The following PRKDC variants were observed in gnomAD, a reference collection of about 807,000 sequenced individuals.
PRKDC encodes DNA-dependent protein kinase catalytic subunit.
Under a neutral mutation model 486.9 loss-of-function variants are expected in PRKDC, and 82 were observed. The observed-to-expected ratio is 0.17, with a 90% confidence interval of 0.14 to 0.20. The LOEUF (loss-of-function observed/expected upper bound fraction) is 0.20, where lower values mean the gene tolerates loss of function less well. PRKDC is among the 10% of genes least tolerant of loss of function. The pLI is 1.00. For missense variants in PRKDC, 4,504 were observed against 5,038.2 expected, an observed-to-expected ratio of 0.89 and a Z score of 3.21; for synonymous variants, 1,895 against 1,837.0, an observed-to-expected ratio of 1.03 and a Z score of -0.81.
chr8:47,940,284 G>A (rs937708860), intron 10 of PRKDC, among the ~76,000 whole-genome samples: 1 of 152,224 alleles, frequency 6.6e-6, no homozygotes, highest in Non-Finnish European at 1.5e-5. Flanking sequence ...TGTCGTCTGA[G>A]AAGCAAATAG....
chr8:47,914,137 A>C, intron 23 of PRKDC, 73 bp from the exon 24 acceptor site: 1 of 1,250,352 alleles, frequency 8.0e-7, no homozygotes, highest in Non-Finnish European at 1.0e-6. Context: ...TCACAAATCA[A>C]AACATTTCTA....
intron 44 of PRKDC, among the ~76,000 whole-genome samples, chr8:47,861,272 T>A (rs1006599997): frequency 2.0e-5 from 3 of 152,350 alleles, no homozygotes; most frequent in Admixed American, 1.3e-4. Context: ...ATTCTATTTA[T>A]CTCTGAACCT....
intron 77 of PRKDC, 187 bp from the exon 78 acceptor site, chr8:47,783,996 C>T (rs1043125567): frequency 2.1e-5 from 12 of 583,708 alleles, no homozygotes; most frequent in African/African-American, 5.6e-5. Context: ...CAGTGGCTCA[C>T]GCCTGTAATC....
At chr8:47,813,467 T>C (rs2087377170) in intron 68 of PRKDC, among the ~76,000 whole-genome samples, 1 of 152,154 alleles carries the variant, frequency 6.6e-6, no homozygotes, top group South Asian at 2.1e-4. Context: ...GGAAATTATA[T>C]ACATTATCAA....
At chr8:47,905,651 GA>G (rs1277934002) in intron 25 of PRKDC, among the ~76,000 whole-genome samples, 1 of 152,142 alleles carries the variant, frequency 6.6e-6, no homozygotes, top group African/African-American at 2.4e-5. Context: ...TACCACAGGG[GA>G]GGAACATAGA....
intron 21 of PRKDC, among the ~76,000 whole-genome samples, chr8:47,921,123 C>T (rs1171684411): frequency 1.3e-5 from 2 of 152,008 alleles, no homozygotes; most frequent in African/African-American, 2.4e-5. Context: ...GGCGTGGTGG[C>T]GGGCACCTGT....
chr8:47,782,523 G>T lies in PRKDC; in HGVS notation c.11251C>A (p.Leu3751Met). 1 of 1,576,882 alleles carries T rather than the reference G, an allele frequency of 6.3e-7. No homozygotes were observed. Among genetic ancestry groups the T allele is most frequent in the East Asian group, 2.3e-5 (1 of 42,934 alleles). ...RGHDEREHPF[L>M]VKGGEDLRQD... The stretch of plus-strand genomic sequence containing the variant: ...CGCAGGTCCTCGCCACCCTTCACCA[G>T]GAAAGGGTGTTCCCTCTCGTCATGG... The change falls in exon 79 of 86, where the codon CTG becomes ATG. Residue 3751 changes from leucine (L) to methionine (M), a missense_variant. Around this residue, in one of 6 missense-constraint regions of PRKDC, gnomAD observed 706 missense variants for 945.0 expected, o/e 0.75. Transcript: ENST00000314191. This position sits in a 1 kb window ranked among gnomAD's most constrained non-coding sequence, Gnocchi z 4.9.
At chr8:47,859,788 T>A in intron 45 of PRKDC, 29 bp from the exon 46 acceptor site, 3 of 1,575,290 alleles carry the variant, frequency 1.9e-6, no homozygotes, top group Non-Finnish European at 2.6e-6. Context: ...GAAAATTACA[T>A]GTATTCAAAC....
rs1474338260 is a variant in PRKDC, at chr8:47,957,202, T to C, written c.293A>G (p.Gln98Arg). Reference protein sequence around the residue: ...FLCIFLEKMGQKIAPYSVEIK... With the variant: ...FLCIFLEKMGRKIAPYSVEIK... ...TTCAACAGAGTAAGGTGCGATCTTCTGGCCCATTTTTTCTAAGAAAATACA... is the reference window on the plus strand; with the variant it reads ...TTCAACAGAGTAAGGTGCGATCTTCCGGCCCATTTTTTCTAAGAAAATACA... The change falls in exon 3 of 86, where the codon CAG becomes CGG. Residue 98 changes from glutamine (Q) to arginine (R), a missense_variant. By Grantham distance (43) the Gln-to-Arg change is conservative. Coordinates refer to ENST00000314191, the MANE Select transcript of PRKDC (RefSeq NM_006904.7). 1 of 1,598,348 alleles carries C rather than the reference T, an allele frequency of 6.3e-7. No homozygotes were observed. Among genetic ancestry groups the C allele is most frequent in the Non-Finnish European group, 8.6e-7 (1 of 1,167,918 alleles).
At chr8:47,905,199 A>T (rs543749769) in intron 25 of PRKDC, among the ~76,000 whole-genome samples, 57 of 149,964 alleles carry the variant, frequency 3.8e-4, no homozygotes, top group South Asian at 1.7e-3. Context: ...TTAACTTAAA[A>T]TTTTTTTTTT....
At chr8:47,869,922 G>T (rs1298084410) in intron 40 of PRKDC, among the ~76,000 whole-genome samples, 1 of 151,926 alleles carries the variant, frequency 6.6e-6, no homozygotes, top group Non-Finnish European at 1.5e-5. Context: ...CTGGGGCAAT[G>T]GTGACCACAG....
intron 21 of PRKDC, among the ~76,000 whole-genome samples, chr8:47,922,247 C>T (rs1029778777): frequency 1.3e-5 from 2 of 152,148 alleles, no homozygotes; most frequent in Admixed American, 1.3e-4. Context: ...ATCCTCCCAC[C>T]TCAGCCTCCC....
chr8:47,867,788 A>T (rs2088851469), intron 40 of PRKDC, among the ~76,000 whole-genome samples: 1 of 152,232 alleles, frequency 6.6e-6, no homozygotes. Flanking sequence ...TTATTTTTTC[A>T]GGCTCTCTGG....
chr8:47,813,571 T>C (rs2087378915), intron 68 of PRKDC, among the ~76,000 whole-genome samples: 1 of 152,032 alleles, frequency 6.6e-6, no homozygotes, highest in African/African-American at 2.4e-5. Context: ...GAGGATCTTA[T>C]ATAATTTTTT....
chr8:47,776,756 A>T lies in PRKDC; in HGVS notation c.12182+88T>A, dbSNP rs533065822. 2.0e-5 allele frequency: 30 copies of T among 1,482,636 alleles called. No homozygotes were observed. In the East Asian group the frequency reaches 6.7e-4, roughly 33 times the overall value. 91.8% of individuals were successfully genotyped at this position (1,482,636 alleles called of 1,614,324 possible). A position where few individuals can be genotyped will look rare whatever the true frequency, so the allele number is the denominator to read the frequency against. On this transcript the variant is annotated intron_variant, in intron 85 of 85. Transcript: ENST00000314191. Reference sequence around the variant, plus strand: ...GAAGTCATGCTAACAGAGTGTCAAGAGCTCAGCACTTTGTATATATGTTGG... The same window carrying T: ...GAAGTCATGCTAACAGAGTGTCAAGTGCTCAGCACTTTGTATATATGTTGG...
At chr8:47,801,589 C>T (rs949420682) in intron 70 of PRKDC, among the ~76,000 whole-genome samples, 2 of 152,092 alleles carry the variant, frequency 1.3e-5, no homozygotes, top group African/African-American at 2.4e-5. Context: ...TTTCAAAGCA[C>T]CTAATTCTGT....
At chr8:47,823,196 C>T (rs1456814984) in intron 64 of PRKDC, among the ~76,000 whole-genome samples, 1 of 151,848 alleles carries the variant, frequency 6.6e-6, no homozygotes, top group Non-Finnish European at 1.5e-5. Flanking sequence ...ATTAGCCAGG[C>T]ATGTTGGTGC....
At chr8:47,934,111 AC>A in intron 14 of PRKDC, 21 bp from the exon 15 acceptor site, 1 of 1,607,764 alleles carries the variant, frequency 6.2e-7, no homozygotes, top group Non-Finnish European at 8.5e-7. Context: ...AGACAGCATG[AC>A]AATATGTAGT....
At chr8:47,919,836 G>A (rs1242612981) in intron 21 of PRKDC, among the ~76,000 whole-genome samples, 1 of 151,834 alleles carries the variant, frequency 6.6e-6, no homozygotes, top group Non-Finnish European at 1.5e-5. Flanking sequence ...TGGGGAACAG[G>A]CCCCCAAATC....
Sources: allele counts gnomAD v4.1 joint callset (sites outside exome capture counted in the v4.1 genomes callset), GRCh38; gene constraint gnomAD v4.1.1; regional missense constraint gnomAD v4.1.1; non-coding constraint Gnocchi (gnomAD v3.1); transcripts MANE v1.5; gene names NCBI Gene and HGNC (gene_info 2026-07-23, HGNC 2026-07-21).